The following MDGA2 variants were observed in gnomAD, a reference collection of about 807,000 sequenced individuals.
The protein encoded by MDGA2 is MAM domain-containing glycosylphosphatidylinositol anchor protein 2.
MDGA2 carries 40 observed loss-of-function variants against 117.8 expected under a neutral mutation model. The observed-to-expected ratio is 0.34, with a 90% CI of 0.26 to 0.44. The LOEUF is 0.44. Ranked by LOEUF, MDGA2 falls within the 20% of genes least tolerant of loss-of-function variation. The probability of loss-of-function intolerance (pLI) is 1.00; values close to 1 mark genes in which losing one functional copy is unlikely to be tolerated. For synonymous variants in MDGA2, 452 were observed against 439.0 expected (o/e 1.03, Z -0.37); for missense variants, 1,123 against 1,250.6 (o/e 0.90, Z 1.54).
intron 1 of MDGA2, among the ~76,000 whole-genome samples, chr14:47,468,176 A>G: frequency 6.6e-6 from 1 of 152,190 alleles, no homozygotes; most frequent in Non-Finnish European, 1.5e-5. Context: ...TAACAGTGAC[A>G]TAGACAGTCT....
chr14:47,665,620 C>T (rs911146699), intron 1 of MDGA2, among the ~76,000 whole-genome samples: 4 of 152,286 alleles, frequency 2.6e-5, no homozygotes, highest in South Asian at 2.1e-4. Flanking sequence ...GCCCTGCACT[C>T]GGAGCGGCCT....
At chr14:47,564,769 C>G (rs1895884613) in intron 1 of MDGA2, among the ~76,000 whole-genome samples, 1 of 152,198 alleles carries the variant, frequency 6.6e-6, no homozygotes, top group Non-Finnish European at 1.5e-5. Context: ...CAGATTTGGT[C>G]TCTTTACATC....
chr14:47,304,039 T>G (rs532603454), intron 1 of MDGA2, among the ~76,000 whole-genome samples: 2 of 152,200 alleles, frequency 1.3e-5, no homozygotes, highest in Non-Finnish European at 2.9e-5. Context: ...GCAGTCATCA[T>G]GAACCTACCA....
rs192415946 is a variant in MDGA2 at position 47,333,396 on chromosome 14, A to C, written c.281-31846T>G. Among the ~76,000 whole-genome samples the C allele has an allele frequency of 3.7e-3, 561 of 151,996 alleles. 4 individuals carry two copies. The highest frequency in any genetic ancestry group is 0.013 in the African/African-American group (533 of 41,534). On this transcript the variant is annotated intron_variant, in intron 1 of 16. Coordinates refer to ENST00000399232, the MANE Select transcript of MDGA2 (RefSeq NM_001113498.3). ...ACAATAGTAGAAAATCCATGTTTCC[A>C]ATTATTTTGAATGCAGTTACATTCT...
chr14:47,043,137 T>G (rs1178189323), intron 7 of MDGA2, among the ~76,000 whole-genome samples: 2 of 152,038 alleles, frequency 1.3e-5, no homozygotes, highest in African/African-American at 4.8e-5. Flanking sequence ...ATTTTTAAAA[T>G]ACAGTAATGT....
chr14:47,642,789 T>G (rs1897453273), intron 1 of MDGA2, among the ~76,000 whole-genome samples: 1 of 152,090 alleles, frequency 6.6e-6, no homozygotes, highest in Non-Finnish European at 1.5e-5. Flanking sequence ...TCTAGAAGAT[T>G]AATAAGTGGA....
intron 2 of MDGA2, among the ~76,000 whole-genome samples, chr14:47,278,512 C>T (rs965024152): frequency 2.0e-5 from 3 of 151,994 alleles, no homozygotes; most frequent in Non-Finnish European, 4.4e-5. Flanking sequence ...CTCAGGCACC[C>T]GGGATCCCCA....
At chr14:46,937,744 C>T (rs1223557078) in intron 9 of MDGA2, among the ~76,000 whole-genome samples, 1 of 152,020 alleles carries the variant, frequency 6.6e-6, no homozygotes, top group Non-Finnish European at 1.5e-5. Context: ...AACTAGATAT[C>T]CATATGCAGA....
chr14:47,165,992 C>T (rs1883856179), intron 3 of MDGA2, among the ~76,000 whole-genome samples: 1 of 145,574 alleles, frequency 6.9e-6, no homozygotes, highest in Non-Finnish European at 1.5e-5. Flanking sequence ...ACACCCTTTT[C>T]TGTGTTTTGA....
chr14:47,216,200 T>C (rs1020567354), intron 3 of MDGA2, among the ~76,000 whole-genome samples: 9 of 152,176 alleles, frequency 5.9e-5, no homozygotes, highest in African/African-American at 2.2e-4. Context: ...TTTTTAAGTC[T>C]CTAAAAATGT....
intron 2 of MDGA2, among the ~76,000 whole-genome samples, chr14:47,289,752 A>G (rs1487038819): frequency 6.6e-6 from 1 of 152,152 alleles, no homozygotes; most frequent in African/African-American, 2.4e-5. Flanking sequence ...CTTATTTCAT[A>G]TCAACTCTTG....
intron 1 of MDGA2, among the ~76,000 whole-genome samples, chr14:47,566,193 T>C (rs1298296475): frequency 6.6e-6 from 1 of 152,100 alleles, no homozygotes; most frequent in Non-Finnish European, 1.5e-5. Context: ...TGTAGGCTGG[T>C]GTGTGTCAGC....
chr14:47,087,195 T>C (rs529590458), intron 6 of MDGA2, among the ~76,000 whole-genome samples: 114 of 152,072 alleles, frequency 7.5e-4, no homozygotes, highest in South Asian at 2.7e-3. Context: ...TGGGCATGGA[T>C]CACGGAGCAT....
At chr14:46,953,534 T>G (rs1885445289) in intron 9 of MDGA2, among the ~76,000 whole-genome samples, 1 of 151,998 alleles carries the variant, frequency 6.6e-6, no homozygotes, top group African/African-American at 2.4e-5. Context: ...TCTAAAACCA[T>G]GTAATAAATG....
At chr14:47,023,198 T>TAA (rs71985853) in intron 8 of MDGA2, among the ~76,000 whole-genome samples, 40 of 102,842 alleles carry the variant, frequency 3.9e-4, no homozygotes, top group Non-Finnish European at 6.1e-4. Context: ...TTCCCACTCG[T>TAA]AAAAAAAAAA....
intron 2 of MDGA2, among the ~76,000 whole-genome samples, chr14:47,237,768 C>G (rs962965868): frequency 6.6e-6 from 1 of 151,978 alleles, no homozygotes; most frequent in Non-Finnish European, 1.5e-5. Context: ...TACATTTGAT[C>G]TACTTTCTTC....
At chr14:47,169,433 T>C (rs1332255530) in intron 3 of MDGA2, among the ~76,000 whole-genome samples, 1 of 151,880 alleles carries the variant, frequency 6.6e-6, no homozygotes, top group African/African-American at 2.4e-5. Flanking sequence ...GAAGCCAATA[T>C]GTAGTGTGTC....
intron 1 of MDGA2, among the ~76,000 whole-genome samples, chr14:47,319,622 T>C (rs1460936497): frequency 6.6e-6 from 1 of 152,196 alleles, no homozygotes; most frequent in Non-Finnish European, 1.5e-5. Flanking sequence ...TTTTCCATGA[T>C]AGAGATACTT....
intron 3 of MDGA2, among the ~76,000 whole-genome samples, chr14:47,145,917 C>T (rs928175240): frequency 2.6e-5 from 4 of 152,024 alleles, no homozygotes; most frequent in Admixed American, 1.3e-4. Flanking sequence ...ATTCATAATA[C>T]ATTCAACTCT....
Sources: gnomAD v4.1 joint callset for allele counts (sites outside exome capture counted in the v4.1 genomes callset) on GRCh38, gnomAD v4.1.1 for gene constraint, MANE v1.5 for transcripts, NCBI Gene and HGNC (gene_info 2026-07-23, HGNC 2026-07-21) for gene names.